Variants in TRMT9B observed in about 807,000 individuals in gnomAD.
TRMT9B encodes the protein probable tRNA methyltransferase 9B.
Under a neutral mutation model 11.5 loss-of-function variants are expected in TRMT9B, and 16 were observed. The observed-to-expected ratio is 1.39, with a 90% CI of 0.94 to 2.11. TRMT9B has a LOEUF of 2.11. TRMT9B is among the 30% of genes most tolerant of loss of function. The probability of loss-of-function intolerance (pLI) is 0.00; values close to 1 mark genes in which losing one functional copy is unlikely to be tolerated. For synonymous variants in TRMT9B, 274 were observed against 192.4 expected, an observed-to-expected ratio of 1.42 and a Z score of -3.51; for missense variants, 941 against 553.8, an observed-to-expected ratio of 1.70 and a Z score of -7.02.
rs375710269 is a variant in TRMT9B at position 13,021,926 on chromosome 8, G to A, written c.1247G>A (p.Arg416Gln). Residue 416 changes from arginine to glutamine, a missense_variant, in exon 5 of 5, where the codon CGA becomes CAA. Arg to Gln is a conservative substitution (Grantham distance 43). Coordinates refer to ENST00000524591, the MANE Select transcript of TRMT9B (RefSeq NM_020844.3). ...TAFMRYYHVF[R>Q]EGELCSLLKE... The stretch of plus-strand genomic sequence containing the variant: ...TTTATGCGCTACTACCATGTGTTTC[G>A]AGAAGGGGAGCTCTGCAGTCTGCTC... 40 of 1,613,690 alleles carry A rather than the reference G, an allele frequency of 2.5e-5. No individual in the cohort carries two copies. The African/African-American group carries it at 4.3e-4, about 17-fold the overall frequency.
chr8:13,013,452 C>T (rs937031001), intron 4 of TRMT9B, among the ~76,000 whole-genome samples: 1 of 152,092 alleles, frequency 6.6e-6, no homozygotes, highest in Non-Finnish European at 1.5e-5. Context: ...CAAGTGTGAC[C>T]AGAAAACACA....
intron 1 of TRMT9B, among the ~76,000 whole-genome samples, chr8:12,949,630 C>T (rs1359298644): frequency 1.3e-5 from 2 of 152,100 alleles, no homozygotes; most frequent in Non-Finnish European, 2.9e-5. Flanking sequence ...TGTCATAGTT[C>T]ACAAGTCTCT....
rs1453876681 is a variant in TRMT9B at position 13,029,504 on chromosome 8, G to T, written c.*7460G>T. On this transcript the variant is annotated 3_prime_UTR_variant, in exon 5 of 5. Coordinates refer to ENST00000524591, the MANE Select transcript of TRMT9B (RefSeq NM_020844.3). ...ATATGTATTCAATTATTTAAGTTAA[G>T]TATCAGTGTATTTTTAAAAAGTGTT... is the stretch of plus-strand genomic sequence containing the variant. 1 of 166,850 alleles carries T rather than the reference G, an allele frequency of 6.0e-6. No homozygotes were observed. 10.3% of individuals were successfully genotyped at this position (166,850 alleles called of 1,614,324 possible).
chr8:13,004,259 G>T (rs992258895), intron 2 of TRMT9B, among the ~76,000 whole-genome samples: 1 of 151,910 alleles, frequency 6.6e-6, no homozygotes, highest in African/African-American at 2.4e-5. Context: ...TCCTAGGTGA[G>T]TCCTCCTGCT....
intron 1 of TRMT9B, among the ~76,000 whole-genome samples, chr8:12,988,418 A>T (rs1806713151): frequency 6.6e-6 from 1 of 152,222 alleles, no homozygotes; most frequent in Admixed American, 6.5e-5. Context: ...TGATTACAGT[A>T]TTAGTCCATT....
At chr8:13,017,242 C>A (rs533398006) in intron 4 of TRMT9B, among the ~76,000 whole-genome samples, 1 of 152,288 alleles carries the variant, frequency 6.6e-6, no homozygotes, top group South Asian at 2.1e-4. Context: ...GGCATGTACA[C>A]TTGAAAAGTT....
chr8:12,995,315 G>A (rs533441892), intron 2 of TRMT9B, among the ~76,000 whole-genome samples: 5 of 152,284 alleles, frequency 3.3e-5, no homozygotes, highest in African/African-American at 1.2e-4. Flanking sequence ...AAAGTTAAAT[G>A]AGCAATTGAT....
intron 3 of TRMT9B, among the ~76,000 whole-genome samples, chr8:13,009,222 T>A (rs1242365302): frequency 6.6e-6 from 1 of 151,894 alleles, no homozygotes; most frequent in Non-Finnish European, 1.5e-5. Context: ...GAAGGAGAGA[T>A]TAAAATGGTG....
Position 13,026,979 on chromosome 8 carries a change from C to T in TRMT9B, c.*4935C>T, listed in dbSNP as rs1289270888. ...CTTTTTTTCATTTGTAAATCTGTTTCGATTTGATTTGAATTAAAAAATAGT... is the reference window on the plus strand; with the variant it reads ...CTTTTTTTCATTTGTAAATCTGTTTTGATTTGATTTGAATTAAAAAATAGT... On this transcript the variant is annotated 3_prime_UTR_variant, in exon 5 of 5. Coordinates refer to ENST00000524591, the MANE Select transcript of TRMT9B (RefSeq NM_020844.3). 2 of 166,912 alleles carry T rather than the reference C, an allele frequency of 1.2e-5. No homozygotes were observed. The highest frequency in any genetic ancestry group is 6.6e-5 in the Admixed American group (1 of 15,266). 10.3% of individuals were successfully genotyped at this position (166,912 alleles called of 1,614,324 possible).
intron 3 of TRMT9B, 192 bp downstream of exon 3, chr8:13,006,548 T>A: frequency 7.0e-7 from 1 of 1,432,630 alleles, no homozygotes; most frequent in Non-Finnish European, 9.1e-7. Context: ...TTTTCATTTT[T>A]GTTCTAATAG....
chr8:13,014,894 C>A (rs564904084), intron 4 of TRMT9B, among the ~76,000 whole-genome samples: 9 of 152,006 alleles, frequency 5.9e-5, no homozygotes, highest in African/African-American at 2.2e-4. Flanking sequence ...AACCCCGTCT[C>A]TACTAAAAAT....
intron 1 of TRMT9B, chr8:12,951,832 C>T (rs980487207): frequency 6.6e-6 from 1 of 151,816 alleles, no homozygotes. Flanking sequence ...TAGGGCGGGC[C>T]AAGCTGGCCT....
chr8:13,016,945 T>C (rs1812824131), intron 4 of TRMT9B, among the ~76,000 whole-genome samples: 1 of 150,680 alleles, frequency 6.6e-6, no homozygotes, highest in African/African-American at 2.4e-5. Context: ...GCCAATATGG[T>C]GAAACCCCAT....
rs766248805 is a variant in TRMT9B at position 13,021,046 on chromosome 8, G to C, written c.367G>C (p.Ala123Pro). 3.2e-6 allele frequency: 5 copies of C among 1,576,916 alleles called. No homozygotes were observed. The South Asian group carries it at 4.7e-5, about 15-fold the overall frequency. ...TTCTACAAAACAAAGAAGAATCAGA[G>C]CAATAAAAGAAATGGCCAGGGTCTT... ...HFSTKQRRIR[A>P]IKEMARVLVP... Residue 123 changes from alanine to proline, a missense_variant, in exon 5 of 5, where the codon GCA (alanine) becomes CCA (proline). Coordinates refer to ENST00000524591, the MANE Select transcript of TRMT9B (RefSeq NM_020844.3).
chr8:13,011,741 T>A, intron 3 of TRMT9B: 2 of 970,092 alleles, frequency 2.1e-6, no homozygotes, highest in Non-Finnish European at 2.5e-6. Context: ...TCAAAAATTG[T>A]CTATTTAAGA....
At chr8:13,016,898 A>T (rs888976792) in intron 4 of TRMT9B, among the ~76,000 whole-genome samples, 7 of 150,488 alleles carry the variant, frequency 4.7e-5, no homozygotes, top group Non-Finnish European at 1.0e-4. Flanking sequence ...AGACTGAGGC[A>T]GGCGGATCAC....
chr8:12,989,572 G>C lies in TRMT9B; in HGVS notation c.-199-1262G>C, dbSNP rs565799351. Among the ~76,000 whole-genome samples, 5 of 152,224 alleles carry C rather than the reference G, an allele frequency of 3.3e-5. No homozygotes were observed. In the South Asian group the frequency reaches 1.0e-3, roughly 32 times the overall value. On this transcript the variant is annotated intron_variant, in intron 1 of 4. Transcript: ENST00000524591. ...TACTGATGGGGGCGTTGAAGACTTTGCCTTTGGTGGCTTATCTGAGGGGTC... is the reference window on the plus strand; with the variant it reads ...TACTGATGGGGGCGTTGAAGACTTTCCCTTTGGTGGCTTATCTGAGGGGTC...
intron 1 of TRMT9B, chr8:12,959,828 C>G (rs1350315102): frequency 6.6e-6 from 1 of 152,334 alleles, no homozygotes; most frequent in African/African-American, 2.4e-5. Context: ...CATGCCTGGC[C>G]TGGTCCCAAA....
intron 2 of TRMT9B, among the ~76,000 whole-genome samples, chr8:12,997,033 G>A (rs747936056): frequency 4.3e-5 from 6 of 140,774 alleles, no homozygotes; most frequent in Non-Finnish European, 7.8e-5. Flanking sequence ...TCTATCTATG[G>A]GCTCATGTTT....
Sources: allele counts gnomAD v4.1 joint callset (sites outside exome capture counted in the v4.1 genomes callset), GRCh38; gene constraint gnomAD v4.1.1; transcripts MANE v1.5; gene names NCBI Gene and HGNC (gene_info 2026-07-23, HGNC 2026-07-21).